The following DSCAML1 variants were observed in gnomAD, a reference collection of about 807,000 sequenced individuals.
The protein encoded by DSCAML1 is DS cell adhesion molecule like 1, also known as cell adhesion molecule DSCAML1.
Under a neutral mutation model 200.5 loss-of-function variants are expected in DSCAML1, and 38 were observed. The observed-to-expected ratio is 0.19, with a 90% CI of 0.15 to 0.25. The LOEUF is 0.25. Among genes scored for constraint, DSCAML1 ranks in the 10% least tolerant of loss-of-function variants. DSCAML1 has a pLI of 1.00. For synonymous variants in DSCAML1, 1,215 were observed against 1,165.0 expected, an observed-to-expected ratio of 1.04 and a Z score of -0.87; for missense variants, 2,223 against 2,858.8, an observed-to-expected ratio of 0.78 and a Z score of 5.07.
chr11:117,797,284 C>G, upstream of DSCAML1: 1 of 1,336,058 alleles, frequency 7.5e-7, no homozygotes, highest in Non-Finnish European at 9.5e-7. Context: ...TAGGCGGCCG[C>G]TCTCCCCGCC....
At chr11:117,623,226 T>C (rs867907084) in intron 3 of DSCAML1, among the ~76,000 whole-genome samples, 1,543 of 148,526 alleles carry the variant, frequency 0.01, 34 homozygotes, top group African/African-American at 0.036. Flanking sequence ...CTTTTTTTTT[T>C]TTTTTTTGAG....
intron 3 of DSCAML1, among the ~76,000 whole-genome samples, chr11:117,731,595 C>A (rs1433897213): frequency 1.3e-5 from 2 of 152,180 alleles, no homozygotes; most frequent in African/African-American, 4.8e-5. Context: ...TGGATCCCCC[C>A]AGAAGCTGGG....
chr11:117,746,187 A>G (rs2054514595), intron 3 of DSCAML1, among the ~76,000 whole-genome samples: 1 of 123,676 alleles, frequency 8.1e-6, no homozygotes, highest in East Asian at 2.7e-4. Context: ...ATGCAGCTGC[A>G]CTCCAGCCTG....
intron 3 of DSCAML1, among the ~76,000 whole-genome samples, chr11:117,722,781 A>G (rs1224906414): frequency 6.6e-6 from 1 of 152,132 alleles, no homozygotes; most frequent in Non-Finnish European, 1.5e-5. Flanking sequence ...GTAGACAACC[A>G]AACTCCTCTG....
intron 3 of DSCAML1, among the ~76,000 whole-genome samples, chr11:117,731,759 A>G (rs2054224430): frequency 6.6e-6 from 1 of 152,066 alleles, no homozygotes; most frequent in Non-Finnish European, 1.5e-5. Flanking sequence ...AACACCTCTT[A>G]TTTGTCTTTG....
At chr11:117,746,262 G>C (rs904915327) in intron 3 of DSCAML1, among the ~76,000 whole-genome samples, 18 of 148,238 alleles carry the variant, frequency 1.2e-4, no homozygotes, top group African/African-American at 4.5e-4. Context: ...GGCACATAGT[G>C]CTATATAAGT....
rs536324484 is a variant in DSCAML1, at chr11:117,796,019, C to G, written c.46+1015G>C. On this transcript the variant is annotated intron_variant, in intron 1 of 32. Transcript: ENST00000651296. ...ACCACGCAAGGGCGCGGAGTTCGGC[C>G]GCCTCATCTCCCGCCATCTGCGCGC... Among the ~76,000 whole-genome samples the G allele has an allele frequency of 4.5e-4, 68 of 152,338 alleles. 1 individual carries two copies. The South Asian group carries it at 0.013, about 29-fold the overall frequency.
At chr11:117,443,378 C>G (rs144735436) in intron 21 of DSCAML1, among the ~76,000 whole-genome samples, 1 of 152,392 alleles carries the variant, frequency 6.6e-6, no homozygotes, top group Non-Finnish European at 1.5e-5. Context: ...GGGTCTGATT[C>G]TAGCCCAGAG....
intron 3 of DSCAML1, among the ~76,000 whole-genome samples, chr11:117,662,607 C>A (rs763323984): frequency 4.6e-5 from 7 of 152,234 alleles, no homozygotes; most frequent in Middle Eastern, 3.2e-3. Context: ...TAGCACAACA[C>A]CCTGCACATA....
At chr11:117,648,209 G>A (rs912769784) in intron 3 of DSCAML1, among the ~76,000 whole-genome samples, 1 of 152,190 alleles carries the variant, frequency 6.6e-6, no homozygotes, top group African/African-American at 2.4e-5. Context: ...AGCAGACCTG[G>A]TTTTTCTGCC....
intron 1 of DSCAML1, among the ~76,000 whole-genome samples, chr11:117,816,697 G>T (rs2077620): frequency 0.082 from 12,404 of 151,044 alleles, 708 homozygotes; most frequent in Non-Finnish European, 0.12. Flanking sequence ...TCTGTCCAGG[G>T]AGCCCACTTC....
chr11:117,650,808 C>T (rs1403871909), intron 3 of DSCAML1, among the ~76,000 whole-genome samples: 1 of 152,046 alleles, frequency 6.6e-6, no homozygotes, highest in Admixed American at 6.5e-5. Context: ...AGCTAATTGC[C>T]CAGCTTTCCA....
chr11:117,739,015 T>C (rs747189917), intron 3 of DSCAML1, among the ~76,000 whole-genome samples: 8 of 152,192 alleles, frequency 5.3e-5, no homozygotes, highest in Admixed American at 6.5e-5. Flanking sequence ...AAACAACACA[T>C]GTAGTTTGTA....
chr11:117,665,516 C>T (rs997834641), intron 3 of DSCAML1, among the ~76,000 whole-genome samples: 1 of 152,172 alleles, frequency 6.6e-6, no homozygotes, highest in Non-Finnish European at 1.5e-5. Flanking sequence ...TTTTGGCAGT[C>T]TACTTATAAA....
chr11:117,495,199 CCT>C (rs1314463335), intron 11 of DSCAML1, among the ~76,000 whole-genome samples: 2 of 152,150 alleles, frequency 1.3e-5, no homozygotes, highest in African/African-American at 2.4e-5. Context: ...GAGTGCACCC[CCT>C]GTTATGCTCC....
intron 3 of DSCAML1, among the ~76,000 whole-genome samples, chr11:117,575,818 C>G (rs1292235507): frequency 6.6e-6 from 1 of 151,554 alleles, no homozygotes; most frequent in East Asian, 1.9e-4. Flanking sequence ...GGTGACAGAG[C>G]CAGATCCTGT....
chr11:117,492,648 C>T (rs951612924), intron 11 of DSCAML1, among the ~76,000 whole-genome samples: 3 of 152,166 alleles, frequency 2.0e-5, no homozygotes, highest in African/African-American at 7.2e-5. Context: ...AAGTTCCCGA[C>T]AAGAGCTGCA....
intron 21 of DSCAML1, among the ~76,000 whole-genome samples, chr11:117,442,998 C>T (rs1002224833): frequency 2.0e-5 from 3 of 152,170 alleles, no homozygotes; most frequent in Non-Finnish European, 2.9e-5. Context: ...GCTCTGAGCC[C>T]GCGGCAGGGT....
chr11:117,540,947 G>A (rs1023404379), intron 3 of DSCAML1, among the ~76,000 whole-genome samples: 2 of 152,172 alleles, frequency 1.3e-5, no homozygotes, highest in Admixed American at 6.5e-5. Context: ...CTGAGATATT[G>A]CGTAGGGGAT....
Sources: gnomAD v4.1 joint callset for allele counts (sites outside exome capture counted in the v4.1 genomes callset) on GRCh38, gnomAD v4.1.1 for gene constraint, MANE v1.5 for transcripts, NCBI Gene and HGNC (gene_info 2026-07-23, HGNC 2026-07-21) for gene names.